The following MYO1H variants were observed in gnomAD, a reference collection of about 807,000 sequenced individuals.
MYO1H encodes the protein myosin IH.
Under a neutral mutation model 149.3 loss-of-function variants are expected in MYO1H, and 118 were observed. The ratio of observed to expected loss-of-function variants is 0.79; its 90% CI spans 0.68 to 0.92. The LOEUF (loss-of-function observed/expected upper bound fraction) is 0.92, where lower values mean the gene tolerates loss of function less well. MYO1H is among the 40% of genes least tolerant of loss of function. The pLI is 0.00. For synonymous variants in MYO1H, 447 were observed against 465.2 expected (o/e 0.96, Z 0.50); for missense variants, 1,212 against 1,280.7 (o/e 0.95, Z 0.82).
At chr12:109,384,198 C>T (rs568119714) in intron 1 of MYO1H, among the ~76,000 whole-genome samples, 1 of 152,122 alleles carries the variant, frequency 6.6e-6, no homozygotes, top group Non-Finnish European at 1.5e-5. Context: ...TAACCCAGTC[C>T]CCATCACCTG....
intron 26 of MYO1H, 34 bp from the exon 27 acceptor site, chr12:109,442,183 G>A: frequency 1.3e-6 from 2 of 1,596,538 alleles, no homozygotes; most frequent in South Asian, 2.2e-5. Flanking sequence ...TGGTACTTTA[G>A]TGATGATTCA....
chr12:109,419,612 A>G (rs1871084426), intron 15 of MYO1H, among the ~76,000 whole-genome samples: 2 of 152,188 alleles, frequency 1.3e-5, no homozygotes, highest in South Asian at 2.1e-4. Flanking sequence ...ACAGTGCGCA[A>G]TCGTGGCTCA....
chr12:109,407,862 A>C, exon 10 of MYO1H: 1 of 1,613,998 alleles, frequency 6.2e-7, no homozygotes, highest in Non-Finnish European at 8.5e-7. Flanking sequence ...CTGTTTATGG[A>C]CGAACGTTTA....
chr12:109,406,891 G>A (rs768942250), intron 9 of MYO1H, 31 bp downstream of exon 9: 17 of 1,592,856 alleles, frequency 1.1e-5, no homozygotes, highest in Non-Finnish European at 1.5e-5. Context: ...AAATGTGCCA[G>A]CCCTCCCTGC....
chr12:109,440,885 G>A (rs1313549207), intron 25 of MYO1H, 58 bp downstream of exon 25: 5 of 1,240,328 alleles, frequency 4.0e-6, no homozygotes, highest in Non-Finnish European at 4.6e-6. Flanking sequence ...AGTGGGTCCT[G>A]AGTGTCAGTC....
chr12:109,416,765 A>G lies in MYO1H; in HGVS notation c.1597+1145A>G, dbSNP rs139430500. 6.7e-3 allele frequency among the ~76,000 whole-genome samples: 1,027 copies of G among 152,284 alleles called. 18 individuals carry two copies. The highest frequency in any genetic ancestry group is 0.023 in the African/African-American group (969 of 41,550). On this transcript the variant is annotated intron_variant, in intron 15 of 31. Coordinates refer to ENST00000310903, the Ensembl canonical transcript of MYO1H. ...CACTTTGGGAAGCCAAGGGGAGCAG[A>G]TCACCTGAGGTCAGGAGTTTGAGAC...
chr12:109,409,246 C>CTTCTTTTTTTTTTT (rs1870549669), intron 10 of MYO1H, among the ~76,000 whole-genome samples: 2 of 47,854 alleles, frequency 4.2e-5, no homozygotes, highest in South Asian at 9.5e-4. Context: ...TCTTCTTCTT[C>CTTCTTTTTTTTTTT]TTTTTTTTTT....
At chr12:109,312,828 C>T in the MYO1H span, among the ~76,000 whole-genome samples, 2 of 150,638 alleles carry the variant, frequency 1.3e-5, no homozygotes, top group African/African-American at 2.5e-5. Context: ...AAATTAGAAC[C>T]CTCCAGGGCC....
rs748227339 is a variant in MYO1H at position 109,421,033 on chromosome 12, T to C, written c.1644+6T>C. On this transcript the variant is annotated splice_donor_region_variant and intron_variant, in intron 16 of 31. Coordinates refer to ENST00000310903, the Ensembl canonical transcript of MYO1H. The stretch of plus-strand genomic sequence containing the variant: ...TTTACAGACATCTGAAAGAAGTAAG[T>C]CTGACACTTAACTGTATGTGTTTCT... 1.3e-6 allele frequency: 2 copies of C among 1,549,332 alleles called. No homozygotes were observed. Among genetic ancestry groups the C allele is most frequent in the African/African-American group, 1.4e-5 (1 of 73,560 alleles).
rs549414623 is a variant in MYO1H, at chr12:109,403,659, T to C, written c.751-323T>C. ...ATATTCCTGCATATTTCAGCAGATA[T>C]TTCTTGAGACAAACAGCTTCAATTT... On this transcript the variant is annotated intron_variant, in intron 6 of 31. Coordinates refer to ENST00000310903, the Ensembl canonical transcript of MYO1H. 2.6e-5 allele frequency among the ~76,000 whole-genome samples: 4 copies of C among 151,468 alleles called. No individual in the cohort carries two copies. The South Asian group carries it at 6.2e-4, about 24-fold the overall frequency.
chr12:109,406,233 C>T (rs910614382), intron 8 of MYO1H, among the ~76,000 whole-genome samples, 198 bp downstream of exon 8: 1 of 152,046 alleles, frequency 6.6e-6, no homozygotes, highest in African/African-American at 2.4e-5. Flanking sequence ...CTATTGTGGC[C>T]TGTTTTGTAA....
At chr12:109,440,582 G>A in intron 24 of MYO1H, 162 bp from the exon 25 acceptor site, 1 of 600,312 alleles carries the variant, frequency 1.7e-6, no homozygotes, top group South Asian at 2.1e-5. Context: ...AAAGTTGGGA[G>A]AGGATCAGGT....
rs774551928 is a variant in MYO1H, at chr12:109,425,928, TTCTC to T, written c.1726-8_1726-5del. The stretch of plus-strand genomic sequence containing the variant: ...TCTCTCTGGCTCGTTCTCTCTCTCT[TTCTC>T]TCTCTCTCTGCAGGTGGGGACTCAG... On this transcript the variant is annotated splice_polypyrimidine_tract_variant and intron_variant, in intron 17 of 31. Transcript: ENST00000310903. The T allele has an allele frequency of 2.8e-6, 4 of 1,404,128 alleles. No individual in the cohort carries two copies. Among genetic ancestry groups the T allele is most frequent in the East Asian group, 2.4e-5 (1 of 41,704 alleles). 87.0% of individuals were successfully genotyped at this position (1,404,128 alleles called of 1,614,324 possible).
intron 1 of MYO1H, chr12:109,359,623 G>A (rs562895193): frequency 1.3e-5 from 2 of 152,294 alleles, no homozygotes; most frequent in South Asian, 2.1e-4. Flanking sequence ...CCACAGTGAC[G>A]TTAAATGTTT....
chr12:109,387,031 TGTGTG>T (rs1426381424), intron 1 of MYO1H, among the ~76,000 whole-genome samples: 13 of 117,088 alleles, frequency 1.1e-4, no homozygotes, highest in African/African-American at 4.5e-4. Context: ...TGTGTGTGTG[TGTGTG>T]TGTGTAGTGT....
At position 109,364,826 on chromosome 12, in the gene MYO1H, T is replaced by C. The variant is rs190911815; in HGVS notation, c.12+16854T>C. ...GATAATCAAAATTTACAATGCTACC[T>C]CCAGTGTGTTTGGGTTATAATTTCA... On this transcript the variant is annotated intron_variant, in intron 1 of 31. Transcript: ENST00000310903. Among the ~76,000 whole-genome samples, 18 of 152,296 alleles carry C rather than the reference T, an allele frequency of 1.2e-4. No individual in the cohort carries two copies. The East Asian group carries it at 3.5e-3, about 29-fold the overall frequency.
At chr12:109,352,929 T>A (rs1868494371) in intron 1 of MYO1H, among the ~76,000 whole-genome samples, 1 of 118,368 alleles carries the variant, frequency 8.4e-6, no homozygotes, top group Non-Finnish European at 1.7e-5. Context: ...GTGACCCAAA[T>A]CCCTATTGAG....
chr12:109,388,736 T>C (rs773602732), exon 2 of MYO1H: 2 of 1,610,912 alleles, frequency 1.2e-6, no homozygotes, highest in South Asian at 1.1e-5. Flanking sequence ...GGGCGCTGAC[T>C]GCCCGGGACA....
At chr12:109,437,949 G>A (rs922109552) in intron 22 of MYO1H, among the ~76,000 whole-genome samples, 10 of 151,802 alleles carry the variant, frequency 6.6e-5, no homozygotes, top group Admixed American at 2.6e-4. Context: ...AAAATTAGGC[G>A]TGGTGGTGCA....
Sources: gnomAD v4.1 joint callset for allele counts (sites outside exome capture counted in the v4.1 genomes callset) on GRCh38, gnomAD v4.1.1 for gene constraint, MANE v1.5 for transcripts, NCBI Gene and HGNC (gene_info 2026-07-23, HGNC 2026-07-21) for gene names.